The following FHOD3 variants were observed in gnomAD, a reference collection of about 807,000 sequenced individuals.
The protein encoded by FHOD3 is FH1/FH2 domain-containing protein 3.
Under a neutral mutation model 173.0 loss-of-function variants are expected in FHOD3, and 90 were observed. The observed-to-expected ratio is 0.52, with a 90% CI of 0.44 to 0.62. The LOEUF (loss-of-function observed/expected upper bound fraction) is 0.62, where lower values mean the gene tolerates loss of function less well. Among genes scored for constraint, FHOD3 ranks in the 20% least tolerant of loss-of-function variants. The pLI, the probability that FHOD3 is intolerant of heterozygous loss-of-function variation, is 0.00. For missense variants in FHOD3, 1,945 were observed against 2,034.7 expected (o/e 0.96, Z 0.85); for synonymous variants, 828 against 823.0 (o/e 1.01, Z -0.10).
At chr18:36,442,049 T>A (rs1243343869) in intron 3 of FHOD3, among the ~76,000 whole-genome samples, 1 of 152,224 alleles carries the variant, frequency 6.6e-6, no homozygotes, top group African/African-American at 2.4e-5. Context: ...GAGAGTGTTA[T>A]TATTTTTCAC....
At chr18:36,419,930 A>T (rs1226676225) in intron 3 of FHOD3, among the ~76,000 whole-genome samples, 2 of 152,238 alleles carry the variant, frequency 1.3e-5, no homozygotes, top group Admixed American at 1.3e-4. Flanking sequence ...CTAAAGTAGG[A>T]CTGAGAAAAG....
intron 17 of FHOD3, among the ~76,000 whole-genome samples, chr18:36,695,577 A>G (rs1465314014): frequency 2.0e-5 from 3 of 152,196 alleles, no homozygotes; most frequent in Non-Finnish European, 2.9e-5. Context: ...TGTGAGATCT[A>G]GAAGAGCTGT....
intron 18 of FHOD3, among the ~76,000 whole-genome samples, chr18:36,713,027 C>T (rs896988943): frequency 1.1e-4 from 17 of 152,202 alleles, no homozygotes; most frequent in African/African-American, 4.1e-4. Context: ...TCATATGTAT[C>T]CTTTAAGAAT....
intron 7 of FHOD3, among the ~76,000 whole-genome samples, chr18:36,596,358 T>A (rs2030407268): frequency 8.2e-6 from 1 of 122,160 alleles, no homozygotes; most frequent in African/African-American, 3.1e-5. Context: ...TTTTTTTTAG[T>A]ATTTTTAGTA....
Position 36,394,260 on chromosome 18 carries a change from A to C in FHOD3, c.337+21516A>C, listed in dbSNP as rs184670353. On this transcript the variant is annotated intron_variant, in intron 3 of 28. Coordinates refer to ENST00000590592, the MANE Select transcript of FHOD3 (RefSeq NM_001281740.3). ...TCAATTTAAATATTGGGCTTCCCAGATGAAAGTCATTATTAAGGTCATCGT... is the reference window on the plus strand; with the variant it reads ...TCAATTTAAATATTGGGCTTCCCAGCTGAAAGTCATTATTAAGGTCATCGT... 2.6e-4 allele frequency among the ~76,000 whole-genome samples: 40 copies of C among 152,348 alleles called. 1 individual carries two copies. The highest frequency in any genetic ancestry group is 1.5e-3 in the Admixed American group (23 of 15,304).
chr18:36,699,524 T>C (rs942306569), intron 17 of FHOD3, among the ~76,000 whole-genome samples: 8 of 152,204 alleles, frequency 5.3e-5, no homozygotes, highest in African/African-American at 9.6e-5. Context: ...GTACTTTGAA[T>C]TTCCAGACAA....
At chr18:36,403,626 A>G (rs1263013867) in intron 3 of FHOD3, among the ~76,000 whole-genome samples, 2 of 152,256 alleles carry the variant, frequency 1.3e-5, no homozygotes, top group African/African-American at 4.8e-5. Context: ...TAGTAAAAAA[A>G]CACAAAAACA....
intron 25 of FHOD3, among the ~76,000 whole-genome samples, chr18:36,758,476 G>A (rs1352166794): frequency 1.3e-5 from 2 of 152,208 alleles, no homozygotes; most frequent in African/African-American, 2.4e-5. Context: ...ATGAGAAACA[G>A]GTGAGATGTT....
At chr18:36,334,876 T>C (rs2045222938) in intron 1 of FHOD3, among the ~76,000 whole-genome samples, 1 of 152,144 alleles carries the variant, frequency 6.6e-6, no homozygotes, top group East Asian at 1.9e-4. Flanking sequence ...GGCCCAAAGA[T>C]AGGGGACTAA....
chr18:36,440,999 A>G (rs2051112761), intron 3 of FHOD3, among the ~76,000 whole-genome samples: 1 of 152,082 alleles, frequency 6.6e-6, no homozygotes, highest in South Asian at 2.1e-4. Context: ...ATGGTCTTAG[A>G]GCATGCTATA....
At chr18:36,639,315 G>A (rs2035115646) in intron 10 of FHOD3, among the ~76,000 whole-genome samples, 1 of 152,204 alleles carries the variant, frequency 6.6e-6, no homozygotes, top group South Asian at 2.1e-4. Flanking sequence ...GCCGAGGTGG[G>A]TGGATCATGA....
chr18:36,316,600 C>A (rs1015165776), intron 1 of FHOD3, among the ~76,000 whole-genome samples: 3 of 152,180 alleles, frequency 2.0e-5, no homozygotes, highest in African/African-American at 4.8e-5. Context: ...AGTTTCCGAT[C>A]AGTTTATTTA....
At chr18:36,472,738 T>C (rs9966979) in intron 3 of FHOD3, among the ~76,000 whole-genome samples, 65 of 152,248 alleles carry the variant, frequency 4.3e-4, no homozygotes, top group African/African-American at 1.5e-3. Flanking sequence ...GTAACATGTA[T>C]CAATACTTCT....
intron 14 of FHOD3, 143 bp downstream of exon 14, chr18:36,658,331 T>C: frequency 3.4e-6 from 2 of 581,780 alleles, no homozygotes; most frequent in Non-Finnish European, 5.9e-6. Context: ...AAGCCAGGAA[T>C]ATTTTCTCTT....
At chr18:36,511,364 T>A (rs2055636073) in intron 4 of FHOD3, among the ~76,000 whole-genome samples, 1 of 151,542 alleles carries the variant, frequency 6.6e-6, no homozygotes, top group Admixed American at 6.6e-5. Flanking sequence ...AATGTTTTTT[T>A]TTTTCTTTTC....
intron 19 of FHOD3, among the ~76,000 whole-genome samples, chr18:36,719,942 T>C (rs1413951721): frequency 6.6e-6 from 1 of 152,208 alleles, no homozygotes; most frequent in Non-Finnish European, 1.5e-5. Context: ...TTTACCCCAG[T>C]GTGTGTTTCT....
intron 1 of FHOD3, among the ~76,000 whole-genome samples, chr18:36,302,783 T>C (rs1244909278): frequency 6.6e-6 from 1 of 152,234 alleles, no homozygotes; most frequent in Non-Finnish European, 1.5e-5. Context: ...GGCAAGTGTG[T>C]TGTGTCATAG....
intron 3 of FHOD3, among the ~76,000 whole-genome samples, chr18:36,428,867 C>A (rs1368051898): frequency 6.6e-6 from 1 of 152,134 alleles, no homozygotes; most frequent in East Asian, 1.9e-4. Flanking sequence ...GATGGGGTCA[C>A]TGGGTGTCAA....
At chr18:36,630,953 G>T (rs976724206) in intron 10 of FHOD3, among the ~76,000 whole-genome samples, 1 of 152,208 alleles carries the variant, frequency 6.6e-6, no homozygotes, top group Non-Finnish European at 1.5e-5. Context: ...CCTTGAGCTT[G>T]TAGTCAGGAG....
Sources: allele counts gnomAD v4.1 joint callset (sites outside exome capture counted in the v4.1 genomes callset), GRCh38; gene constraint gnomAD v4.1.1; transcripts MANE v1.5; gene names NCBI Gene and HGNC (gene_info 2026-07-23, HGNC 2026-07-21).